Variants in SLC9A9 observed in about 807,000 individuals in gnomAD.
SLC9A9 encodes sodium/hydrogen exchanger 9.
Under a neutral mutation model 77.8 loss-of-function variants are expected in SLC9A9, and 62 were observed. The observed-to-expected ratio is 0.80, with a 90% CI of 0.65 to 0.98. SLC9A9 has a LOEUF of 0.98. SLC9A9 is among the 50% of genes least tolerant of loss of function. The pLI is 0.00. For missense variants in SLC9A9, 775 were observed against 774.9 expected (o/e 1.00, Z 0.00); for synonymous variants, 320 against 283.5 (o/e 1.13, Z -1.29).
In SLC9A9 at chr3:143,520,729, A is replaced by C. The variant is rs149653598; in HGVS notation, c.1090-25281T>G. On this transcript the variant is annotated intron_variant, in intron 9 of 15. Transcript: ENST00000316549. ...ACTAGTATATGGATCAGGGATCTGA[A>C]CCCAGCTAGTCTGACTCCAGTCTGT... Among the ~76,000 whole-genome samples, 480 of 152,256 alleles carry C rather than the reference A, an allele frequency of 3.2e-3. 1 individual carries two copies. Among genetic ancestry groups the C allele is most frequent in the African/African-American group, 0.011 (446 of 41,540 alleles).
intron 12 of SLC9A9, among the ~76,000 whole-genome samples, chr3:143,405,542 G>A (rs181638246): frequency 3.9e-5 from 6 of 152,330 alleles, no homozygotes; most frequent in South Asian, 2.1e-4. Context: ...AGCTGAAAAG[G>A]TGGTGATTGG....
intron 14 of SLC9A9, among the ~76,000 whole-genome samples, chr3:143,354,700 A>G (rs556738960): frequency 6.6e-6 from 1 of 152,376 alleles, no homozygotes; most frequent in South Asian, 2.1e-4. Flanking sequence ...CAAATATTAA[A>G]ACTAAATTCA....
intron 14 of SLC9A9, among the ~76,000 whole-genome samples, chr3:143,299,298 AC>A (rs1362244391): frequency 6.6e-6 from 1 of 152,084 alleles, no homozygotes; most frequent in Non-Finnish European, 1.5e-5. Context: ...CCCTTAAGAA[AC>A]CTTTATTTGC....
At chr3:143,574,915 G>C (rs913987566) in intron 7 of SLC9A9, among the ~76,000 whole-genome samples, 1 of 152,166 alleles carries the variant, frequency 6.6e-6, no homozygotes, top group African/African-American at 2.4e-5. Context: ...GAAAGGGTTA[G>C]GTTGCAATTG....
chr3:143,762,660 A>C (rs2108833523), intron 4 of SLC9A9, among the ~76,000 whole-genome samples: 1 of 152,278 alleles, frequency 6.6e-6, no homozygotes, highest in South Asian at 2.1e-4. Flanking sequence ...TTGCCAGAGC[A>C]ATTGATACAC....
At chr3:143,698,723 T>G (rs529569169) in intron 4 of SLC9A9, among the ~76,000 whole-genome samples, 53 of 152,272 alleles carry the variant, frequency 3.5e-4, no homozygotes, top group African/African-American at 1.2e-3. Flanking sequence ...AAAATAACCT[T>G]CACTAAATTA....
intron 4 of SLC9A9, among the ~76,000 whole-genome samples, chr3:143,773,096 T>G (rs867717921): frequency 1.3e-5 from 2 of 152,226 alleles, no homozygotes; most frequent in Admixed American, 6.5e-5. Context: ...ACTGGTCCCA[T>G]TAGATCAATA....
intron 13 of SLC9A9, among the ~76,000 whole-genome samples, chr3:143,367,080 T>A (rs1691069628): frequency 6.6e-6 from 1 of 152,214 alleles, no homozygotes; most frequent in Admixed American, 6.5e-5. Flanking sequence ...CCTCTCTTTT[T>A]CTCCTTTTTA....
intron 5 of SLC9A9, among the ~76,000 whole-genome samples, chr3:143,685,195 A>G (rs1933224940): frequency 6.6e-6 from 1 of 152,130 alleles, no homozygotes; most frequent in Non-Finnish European, 1.5e-5. Context: ...TATTAAGTGA[A>G]TATTATTTCA....
intron 5 of SLC9A9, among the ~76,000 whole-genome samples, chr3:143,671,467 A>G (rs1576649115): frequency 6.6e-6 from 1 of 152,328 alleles, no homozygotes; most frequent in East Asian, 1.9e-4. Flanking sequence ...TATTTCACCT[A>G]AGAAATGGGT....
chr3:143,580,755 C>A (rs558904777), intron 6 of SLC9A9, among the ~76,000 whole-genome samples: 2 of 152,124 alleles, frequency 1.3e-5, no homozygotes, highest in South Asian at 2.1e-4. Flanking sequence ...TCACTTTGTT[C>A]GCCAAACTTT....
chr3:143,448,873 A>T lies in SLC9A9; in HGVS notation c.1469+18164T>A, dbSNP rs868827811. ...ATTATGTTATATAATATATTATATA[A>T]TATGATATATATTATATATTATAAT... is the stretch of plus-strand genomic sequence containing the variant. On this transcript the variant is annotated intron_variant, in intron 12 of 15. Coordinates refer to ENST00000316549, the MANE Select transcript of SLC9A9 (RefSeq NM_173653.4). 1.1e-3 allele frequency among the ~76,000 whole-genome samples: 10 copies of T among 9,108 alleles called. 1 individual carries two copies. In the African/African-American group the frequency reaches 0.017, roughly 15 times the overall value. The allele number at this position is 9,108 out of a possible 152,430, so 6.0% of individuals were successfully genotyped here.
chr3:143,513,534 T>C (rs972482238), intron 9 of SLC9A9, among the ~76,000 whole-genome samples: 1 of 152,232 alleles, frequency 6.6e-6, no homozygotes, highest in Admixed American at 6.5e-5. Flanking sequence ...CCTGTTAATG[T>C]TGATATTTTG....
chr3:143,597,456 G>A (rs1025288353), intron 6 of SLC9A9, among the ~76,000 whole-genome samples: 9 of 152,202 alleles, frequency 5.9e-5, no homozygotes, highest in Non-Finnish European at 1.2e-4. Flanking sequence ...TGAAGGCAAG[G>A]GAGAACTGGC....
chr3:143,586,189 C>A (rs2037538672), intron 6 of SLC9A9, among the ~76,000 whole-genome samples: 1 of 152,216 alleles, frequency 6.6e-6, no homozygotes, highest in African/African-American at 2.4e-5. Flanking sequence ...GCTTCTGATG[C>A]CAGTTAAGCC....
chr3:143,731,402 G>T (rs1329832974), intron 4 of SLC9A9, among the ~76,000 whole-genome samples: 2 of 152,124 alleles, frequency 1.3e-5, no homozygotes, highest in Non-Finnish European at 2.9e-5. Flanking sequence ...CCTCTGTAGG[G>T]CCTGTAAAGG....
At chr3:143,435,225 A>G (rs996780904) in intron 12 of SLC9A9, among the ~76,000 whole-genome samples, 1 of 152,164 alleles carries the variant, frequency 6.6e-6, no homozygotes, top group African/African-American at 2.4e-5. Context: ...TACTGTAAGC[A>G]TCTTGTAGCC....
intron 8 of SLC9A9, among the ~76,000 whole-genome samples, chr3:143,553,765 A>G (rs552308389): frequency 2.0e-5 from 3 of 152,356 alleles, no homozygotes; most frequent in Admixed American, 6.5e-5. Flanking sequence ...AAATTTTACC[A>G]TGAAATATCT....
intron 9 of SLC9A9, among the ~76,000 whole-genome samples, chr3:143,510,257 T>G (rs1386222972): frequency 6.6e-6 from 1 of 152,182 alleles, no homozygotes; most frequent in Non-Finnish European, 1.5e-5. Context: ...ATCTCAAAAC[T>G]AAAGCAATAG....
Sources: allele counts gnomAD v4.1 joint callset (sites outside exome capture counted in the v4.1 genomes callset), GRCh38; gene constraint gnomAD v4.1.1; transcripts MANE v1.5; gene names NCBI Gene and HGNC (gene_info 2026-07-23, HGNC 2026-07-21).